Variants in CCDC192 observed in about 807,000 individuals in gnomAD.
The protein encoded by CCDC192 is coiled-coil domain-containing protein 192.
At position 127,726,048 on chromosome 5, in the gene CCDC192, T is replaced by C. The variant is rs141697661; in HGVS notation, c.114+18288T>C. Among the ~76,000 whole-genome samples, 87 of 152,146 alleles carry C rather than the reference T, an allele frequency of 5.7e-4. No homozygotes were observed. The East Asian group carries it at 0.016, about 28-fold the overall frequency. The stretch of plus-strand genomic sequence containing the variant: ...AAAAATAATTCCTAGTATAACAAAA[T>C]AGCAAAATGTTTAAAATGTTAGAAA... On this transcript the variant is annotated intron_variant, in intron 2 of 6. Coordinates refer to ENST00000514853, the MANE Select transcript of CCDC192 (RefSeq NM_001317938.2).
intron 6 of CCDC192, among the ~76,000 whole-genome samples, chr5:127,918,887 A>G (rs1356440652): frequency 6.6e-6 from 1 of 151,090 alleles, no homozygotes; most frequent in East Asian, 1.9e-4. Flanking sequence ...GTACATGTGC[A>G]TGCATGTGTA....
At chr5:127,735,871 C>A (rs1038240731) in intron 2 of CCDC192, among the ~76,000 whole-genome samples, 1 of 137,840 alleles carries the variant, frequency 7.3e-6, no homozygotes, top group African/African-American at 3.0e-5. Flanking sequence ...ATGTCTTCTG[C>A]AAAGAGGGAC....
chr5:127,903,880 G>A (rs1250932219), intron 6 of CCDC192, among the ~76,000 whole-genome samples: 1 of 152,158 alleles, frequency 6.6e-6, no homozygotes, highest in African/African-American at 2.4e-5. Context: ...AAAGGAGAGT[G>A]AATTTCATCA....
At chr5:127,921,605 GAGTCAGGGA>G (rs1450236202) in intron 6 of CCDC192, among the ~76,000 whole-genome samples, 1 of 152,182 alleles carries the variant, frequency 6.6e-6, no homozygotes, top group African/African-American at 2.4e-5. Flanking sequence ...TAGAATTGTA[GAGTCAGGGA>G]AGTCTTTCAT....
At chr5:127,784,927 T>C in intron 3 of CCDC192, 1 of 458,606 alleles carries the variant, frequency 2.2e-6, no homozygotes, top group Admixed American at 2.7e-5. Flanking sequence ...ATAACCAAGA[T>C]GTAATTTTAT....
intron 3 of CCDC192, among the ~76,000 whole-genome samples, chr5:127,793,534 A>G (rs1580668576): frequency 6.6e-6 from 1 of 152,222 alleles, no homozygotes; most frequent in African/African-American, 2.4e-5. Context: ...AAAATCAGGA[A>G]TGGAGGCAGA....
At chr5:127,722,239 G>A (rs971255611) in intron 2 of CCDC192, among the ~76,000 whole-genome samples, 1 of 151,884 alleles carries the variant, frequency 6.6e-6, no homozygotes, top group Non-Finnish European at 1.5e-5. Context: ...TCTTCGTATG[G>A]CTGTTTGCCA....
intron 3 of CCDC192, among the ~76,000 whole-genome samples, chr5:127,790,494 T>C (rs1207108632): frequency 1.3e-5 from 2 of 152,250 alleles, no homozygotes; most frequent in African/African-American, 4.8e-5. Flanking sequence ...GTTATATTGA[T>C]ACACAATAAA....
intron 5 of CCDC192, among the ~76,000 whole-genome samples, chr5:127,824,547 A>G (rs1328669895): frequency 1.3e-5 from 2 of 152,198 alleles, no homozygotes; most frequent in East Asian, 3.8e-4. Context: ...TCTTTCACTG[A>G]ATGGAGTGCT....
chr5:127,707,270 A>G (rs1487285147), intron 1 of CCDC192, among the ~76,000 whole-genome samples: 1 of 152,200 alleles, frequency 6.6e-6, no homozygotes, highest in Non-Finnish European at 1.5e-5. Flanking sequence ...AGGCATGATA[A>G]ATAACAACAT....
At chr5:127,753,734 C>G (rs1403886137) in intron 2 of CCDC192, among the ~76,000 whole-genome samples, 1 of 150,630 alleles carries the variant, frequency 6.6e-6, no homozygotes, top group Non-Finnish European at 1.5e-5. Flanking sequence ...GCAGAGTCTA[C>G]ACATCTGCTA....
intron 3 of CCDC192, among the ~76,000 whole-genome samples, chr5:127,776,126 A>G (rs531487754): frequency 6.4e-4 from 97 of 152,336 alleles, no homozygotes; most frequent in African/African-American, 2.2e-3. Context: ...AAAAGTTTGG[A>G]GGGCTGAGAA....
At chr5:127,820,711 TA>T (rs1749248834) in intron 5 of CCDC192, among the ~76,000 whole-genome samples, 1 of 152,098 alleles carries the variant, frequency 6.6e-6, no homozygotes, top group Non-Finnish European at 1.5e-5. Flanking sequence ...ATATACATGT[TA>T]TTTTTTTTAA....
intron 5 of CCDC192, among the ~76,000 whole-genome samples, chr5:127,811,837 C>A (rs1039046155): frequency 6.6e-6 from 1 of 152,146 alleles, no homozygotes; most frequent in Non-Finnish European, 1.5e-5. Flanking sequence ...AAATGCCTGT[C>A]TCTCCTCTCC....
At chr5:127,820,105 G>A (rs1423094691) in intron 5 of CCDC192, among the ~76,000 whole-genome samples, 1 of 152,280 alleles carries the variant, frequency 6.6e-6, no homozygotes, top group East Asian at 1.9e-4. Flanking sequence ...TGAATTATGT[G>A]TGTGAGACTG....
intron 3 of CCDC192, chr5:127,785,915 C>A (rs137887099): frequency 6.8e-6 from 3 of 443,420 alleles, no homozygotes; most frequent in African/African-American, 6.1e-5. Context: ...ATTACCAAGG[C>A]AATGCATTTT....
At chr5:127,855,591 C>G (rs549683780) in intron 5 of CCDC192, among the ~76,000 whole-genome samples, 80 of 152,284 alleles carry the variant, frequency 5.3e-4, no homozygotes, top group Admixed American at 1.2e-3. Context: ...TTCCAGAAGG[C>G]CTTCAATTGA....
chr5:127,825,528 G>T (rs1749487460), intron 5 of CCDC192, among the ~76,000 whole-genome samples: 1 of 152,160 alleles, frequency 6.6e-6, no homozygotes, highest in Non-Finnish European at 1.5e-5. Context: ...TCCATTCATG[G>T]CATGAGTGGC....
intron 3 of CCDC192, among the ~76,000 whole-genome samples, chr5:127,772,563 CA>C (rs1308792736): frequency 1.3e-5 from 2 of 151,880 alleles, no homozygotes; most frequent in Non-Finnish European, 2.9e-5. Context: ...AAGATATTGG[CA>C]GTAATTCCAA....
Sources: gnomAD v4.1 joint callset for allele counts (sites outside exome capture counted in the v4.1 genomes callset) on GRCh38, gnomAD v4.1.1 for gene constraint, MANE v1.5 for transcripts, NCBI Gene and HGNC (gene_info 2026-07-23, HGNC 2026-07-21) for gene names.